The following FBXL7 variants were observed in gnomAD, a reference collection of about 807,000 sequenced individuals.
The protein encoded by FBXL7 is F-box and leucine rich repeat protein 7, also known as F-box/LRR-repeat protein 7.
FBXL7 carries 12 observed loss-of-function variants against 38.3 expected under a neutral mutation model. The ratio of observed to expected loss-of-function variants is 0.31; its 90% CI spans 0.20 to 0.51. FBXL7 has a LOEUF of 0.51. Ranked by LOEUF, FBXL7 falls within the 20% of genes least tolerant of loss-of-function variation. FBXL7 has a pLI of 0.98. For synonymous variants in FBXL7, 297 were observed against 300.9 expected (o/e 0.99, Z 0.13); for missense variants, 567 against 676.4 (o/e 0.84, Z 1.79).
At position 15,938,379 on chromosome 5, in the gene FBXL7, G is replaced by A. The variant is rs1742258096; in HGVS notation, c.*1193G>A. 6.6e-6 allele frequency: 1 copy of A among 152,198 alleles called. No individual in the cohort carries two copies. The highest frequency in any genetic ancestry group is 2.4e-5 in the African/African-American group (1 of 41,444). 9.4% of individuals were successfully genotyped at this position (152,198 alleles called of 1,614,324 possible). A position where few individuals can be genotyped will look rare whatever the true frequency, so the allele number is the denominator to read the frequency against. ...CGCCTTGCACACCTGGCATGCATCA[G>A]GCACATCTGTCCTACAGCTGGCAGA... On this transcript the variant is annotated 3_prime_UTR_variant, in exon 4 of 4. Transcript: ENST00000504595.
At chr5:15,769,804 C>T (rs1736681680) in intron 2 of FBXL7, among the ~76,000 whole-genome samples, 1 of 151,376 alleles carries the variant, frequency 6.6e-6, no homozygotes, top group African/African-American at 2.4e-5. Context: ...TTAATAATAC[C>T]ATATCAGTGT....
At chr5:15,564,412 G>GTA (rs1232804117) in intron 1 of FBXL7, among the ~76,000 whole-genome samples, 1 of 147,540 alleles carries the variant, frequency 6.8e-6, no homozygotes, top group Non-Finnish European at 1.5e-5. Flanking sequence ...GTGTGTGTGT[G>GTA]TGTATGTGTA....
intron 1 of FBXL7, among the ~76,000 whole-genome samples, chr5:15,534,162 C>T (rs908533649): frequency 6.6e-6 from 1 of 152,142 alleles, no homozygotes; most frequent in Non-Finnish European, 1.5e-5. Context: ...ATCAGTAAAC[C>T]TACATTGACA....
chr5:15,834,735 A>G (rs888151442), intron 2 of FBXL7, among the ~76,000 whole-genome samples: 9 of 152,194 alleles, frequency 5.9e-5, no homozygotes, highest in Non-Finnish European at 1.0e-4. Flanking sequence ...GAACCTGACA[A>G]AGTTCTTAAT....
chr5:15,731,270 C>G (rs1041623886), intron 2 of FBXL7, among the ~76,000 whole-genome samples: 1 of 152,160 alleles, frequency 6.6e-6, no homozygotes, highest in Non-Finnish European at 1.5e-5. Context: ...GGAGAACTCA[C>G]AGTTCCACGT....
chr5:15,544,057 A>T (rs748632629), intron 1 of FBXL7, among the ~76,000 whole-genome samples: 10 of 152,188 alleles, frequency 6.6e-5, no homozygotes, highest in Non-Finnish European at 1.0e-4. Flanking sequence ...CTTAATTTGC[A>T]TGTAATTAAA....
chr5:15,630,231 A>C (rs1422062674), intron 2 of FBXL7, among the ~76,000 whole-genome samples: 4 of 149,276 alleles, frequency 2.7e-5, no homozygotes, highest in Non-Finnish European at 4.5e-5. Flanking sequence ...AAGGCTATTC[A>C]GCCCTCCCAC....
intron 2 of FBXL7, among the ~76,000 whole-genome samples, chr5:15,785,030 C>T (rs1737097458): frequency 6.6e-6 from 1 of 152,146 alleles, no homozygotes; most frequent in South Asian, 2.1e-4. Flanking sequence ...TATCATGAAT[C>T]AGGTCTATAC....
chr5:15,839,159 T>C (rs568440460), intron 2 of FBXL7, among the ~76,000 whole-genome samples: 1 of 152,078 alleles, frequency 6.6e-6, no homozygotes, highest in East Asian at 1.9e-4. Flanking sequence ...ATTTTTTGAC[T>C]ATCATACAAT....
chr5:15,673,306 G>T (rs1742546974), intron 2 of FBXL7, among the ~76,000 whole-genome samples: 1 of 151,402 alleles, frequency 6.6e-6, no homozygotes, highest in Admixed American at 6.6e-5. Context: ...ACAAGAGCGA[G>T]ACTCCATCTA....
chr5:15,656,550 A>AT (rs1741887293), intron 2 of FBXL7, among the ~76,000 whole-genome samples: 1 of 152,178 alleles, frequency 6.6e-6, no homozygotes, highest in Non-Finnish European at 1.5e-5. Flanking sequence ...AGTATGGTGG[A>AT]AACTGCCCCC....
intron 1 of FBXL7, among the ~76,000 whole-genome samples, chr5:15,590,927 T>C (rs946551777): frequency 6.6e-6 from 1 of 152,220 alleles, no homozygotes; most frequent in Non-Finnish European, 1.5e-5. Context: ...CTCTTTTTCC[T>C]TTCTATTTTT....
At chr5:15,546,509 G>A (rs188136696) in intron 1 of FBXL7, among the ~76,000 whole-genome samples, 1 of 151,168 alleles carries the variant, frequency 6.6e-6, no homozygotes, top group Non-Finnish European at 1.5e-5. Context: ...AGAGGTTGCA[G>A]TGAGCTGAGA....
intron 2 of FBXL7, among the ~76,000 whole-genome samples, chr5:15,718,528 T>A (rs1744106665): frequency 6.6e-6 from 1 of 152,232 alleles, no homozygotes; most frequent in African/African-American, 2.4e-5. Flanking sequence ...AAGGGGTACC[T>A]CTGCCTGTTA....
chr5:15,870,657 A>C (rs1313536974), intron 2 of FBXL7, among the ~76,000 whole-genome samples: 1 of 152,166 alleles, frequency 6.6e-6, no homozygotes, highest in Non-Finnish European at 1.5e-5. Flanking sequence ...TAGTTATATC[A>C]CTTGTAAATT....
chr5:15,836,400 A>G (rs1207397793), intron 2 of FBXL7, among the ~76,000 whole-genome samples: 1 of 152,224 alleles, frequency 6.6e-6, no homozygotes. Context: ...AAAGAAAAAG[A>G]AAAACTAGAT....
chr5:15,926,461 C>T (rs1741879191), intron 2 of FBXL7, among the ~76,000 whole-genome samples: 1 of 146,696 alleles, frequency 6.8e-6, no homozygotes, highest in Non-Finnish European at 1.5e-5. Flanking sequence ...GTAATAATAC[C>T]ATGTATATGG....
intron 2 of FBXL7, among the ~76,000 whole-genome samples, chr5:15,738,100 C>T (rs1483944741): frequency 6.6e-6 from 1 of 152,164 alleles, no homozygotes; most frequent in African/African-American, 2.4e-5. Flanking sequence ...CCGTAGAACA[C>T]ATTCTACGAG....
chr5:15,718,439 T>TATC (rs1393484163), intron 2 of FBXL7, among the ~76,000 whole-genome samples: 1 of 152,166 alleles, frequency 6.6e-6, no homozygotes, highest in Non-Finnish European at 1.5e-5. Flanking sequence ...TTTATAAGAT[T>TATC]TGGGTATCTT....
Sources: gnomAD v4.1 joint callset for allele counts (sites outside exome capture counted in the v4.1 genomes callset) on GRCh38, gnomAD v4.1.1 for gene constraint, MANE v1.5 for transcripts, NCBI Gene and HGNC (gene_info 2026-07-23, HGNC 2026-07-21) for gene names.